Variants in AGBL1 observed in about 807,000 individuals in gnomAD.
AGBL1 encodes the protein cytosolic carboxypeptidase 4.
In AGBL1, 130 loss-of-function variants were observed where a neutral mutation model predicts 118.9. The ratio of observed to expected loss-of-function variants is 1.09; its 90% confidence interval spans 0.95 to 1.26. The LOEUF is 1.26. AGBL1 is among the 50% of genes most tolerant of loss of function. AGBL1 has a pLI of 0.00. For missense variants in AGBL1, 1,584 were observed against 1,298.1 expected (o/e 1.22, Z -3.38); for synonymous variants, 555 against 478.9 (o/e 1.16, Z -2.08).
chr15:87,009,153 G>A (rs1410558431), intron 24 of AGBL1, among the ~76,000 whole-genome samples: 1 of 152,096 alleles, frequency 6.6e-6, no homozygotes, highest in Non-Finnish European at 1.5e-5. Context: ...CCCATCACAG[G>A]TGCAGAGGTA....
chr15:86,661,288 C>T lies in AGBL1; in HGVS notation c.2995-12985C>T, dbSNP rs543312595. 1.4e-3 allele frequency among the ~76,000 whole-genome samples: 220 copies of T among 152,126 alleles called. 2 individuals are homozygous for T. The highest frequency in any genetic ancestry group is 4.9e-3 in the African/African-American group (205 of 41,492). The stretch of plus-strand genomic sequence containing the variant: ...TGGACTCTAAAATGACACCCTGTAC[C>T]AAACGCTGTGCTAGAGATGTAGAAA... On this transcript the variant is annotated intron_variant, in intron 21 of 22. Coordinates refer to ENST00000614907, the MANE Select transcript of AGBL1 (RefSeq NM_001386094.1).
intron 3 of AGBL1, among the ~76,000 whole-genome samples, chr15:86,148,121 G>A (rs1020801317): frequency 6.6e-6 from 1 of 152,198 alleles, no homozygotes; most frequent in African/African-American, 2.4e-5. Context: ...AACCTCATCT[G>A]TAGATCACCA....
chr15:86,817,506 GAGAA>G (rs1360735224), intron 22 of AGBL1, among the ~76,000 whole-genome samples: 1 of 145,934 alleles, frequency 6.9e-6, no homozygotes, highest in East Asian at 2.0e-4. Context: ...GAGAGAGAGA[GAGAA>G]AGAGACAGGC....
At chr15:86,461,766 C>T (rs946533976) in intron 18 of AGBL1, among the ~76,000 whole-genome samples, 1 of 152,100 alleles carries the variant, frequency 6.6e-6, no homozygotes, top group African/African-American at 2.4e-5. Flanking sequence ...ATCTTTTACT[C>T]TATGGTACCC....
At chr15:86,672,893 A>G (rs2085771675) in intron 21 of AGBL1, among the ~76,000 whole-genome samples, 2 of 152,178 alleles carry the variant, frequency 1.3e-5, no homozygotes, top group African/African-American at 4.8e-5. Flanking sequence ...AACAGCTGAA[A>G]TAAACTTGAG....
At chr15:86,262,403 A>T (rs990590424) in intron 9 of AGBL1, among the ~76,000 whole-genome samples, 2 of 152,080 alleles carry the variant, frequency 1.3e-5, no homozygotes, top group Non-Finnish European at 2.9e-5. Context: ...AAGACTGACA[A>T]ACCTAAATGT....
At chr15:86,259,939 G>T (rs753734425) in intron 9 of AGBL1, among the ~76,000 whole-genome samples, 2 of 152,214 alleles carry the variant, frequency 1.3e-5, no homozygotes, top group Non-Finnish European at 2.9e-5. Flanking sequence ...CTTGGCCCAC[G>T]CTTTGCAGAG....
intron 21 of AGBL1, among the ~76,000 whole-genome samples, chr15:86,647,001 GT>G (rs2085290142): frequency 6.6e-6 from 1 of 151,922 alleles, no homozygotes; most frequent in African/African-American, 2.4e-5. Context: ...TGAACACATT[GT>G]TTTGTTGTCT....
chr15:86,521,696 T>C (rs1225794865), intron 18 of AGBL1, among the ~76,000 whole-genome samples: 2 of 152,176 alleles, frequency 1.3e-5, no homozygotes, highest in Non-Finnish European at 2.9e-5. Flanking sequence ...TGATGTATTG[T>C]GTACTGGTTT....
intron 23 of AGBL1, among the ~76,000 whole-genome samples, chr15:86,950,714 TTAAA>T (rs1426750093): frequency 1.3e-5 from 2 of 151,808 alleles, no homozygotes; most frequent in Non-Finnish European, 1.5e-5. Context: ...ACAAAGAATG[TTAAA>T]TAAGAAGAAG....
At chr15:86,187,766 C>T (rs2077655999) in intron 5 of AGBL1, among the ~76,000 whole-genome samples, 1 of 152,222 alleles carries the variant, frequency 6.6e-6, no homozygotes, top group Non-Finnish European at 1.5e-5. Context: ...AACCAATGCA[C>T]TATCCCAAGG....
intron 1 of AGBL1, among the ~76,000 whole-genome samples, chr15:86,100,235 G>A (rs1896632084): frequency 6.6e-6 from 1 of 152,120 alleles, no homozygotes; most frequent in South Asian, 2.1e-4. Context: ...GATTTAGTAA[G>A]CTAGCATTTT....
chr15:86,846,277 G>T (rs1462860911), intron 22 of AGBL1, among the ~76,000 whole-genome samples: 1 of 152,200 alleles, frequency 6.6e-6, no homozygotes. Flanking sequence ...TTCCTGGATA[G>T]TTGACAGTTT....
At chr15:86,922,274 A>G (rs1191784555) in intron 23 of AGBL1, among the ~76,000 whole-genome samples, 1 of 152,228 alleles carries the variant, frequency 6.6e-6, no homozygotes, top group Non-Finnish European at 1.5e-5. Flanking sequence ...AGGCATAACA[A>G]AAATCAAAAT....
At chr15:86,409,119 T>C (rs1365041479) in intron 18 of AGBL1, among the ~76,000 whole-genome samples, 2 of 152,200 alleles carry the variant, frequency 1.3e-5, no homozygotes, top group South Asian at 2.1e-4. Flanking sequence ...TCCCAAATCA[T>C]GGTCTGTAGA....
At chr15:86,758,260 T>A (rs2077970545) in intron 22 of AGBL1, among the ~76,000 whole-genome samples, 1 of 152,072 alleles carries the variant, frequency 6.6e-6, no homozygotes, top group South Asian at 2.1e-4. Flanking sequence ...TCCAAGCTCC[T>A]TCCTTCTACA....
At chr15:86,426,636 C>T (rs2081869829) in intron 18 of AGBL1, among the ~76,000 whole-genome samples, 1 of 152,236 alleles carries the variant, frequency 6.6e-6, no homozygotes, top group Admixed American at 6.5e-5. Flanking sequence ...AGCCTTAAGG[C>T]TGTTCTGCTG....
At chr15:86,957,689 A>G (rs910957405) in intron 23 of AGBL1, among the ~76,000 whole-genome samples, 7 of 152,148 alleles carry the variant, frequency 4.6e-5, no homozygotes, top group African/African-American at 7.2e-5. Flanking sequence ...ATTTAATTAA[A>G]GAAGCTTTTC....
At chr15:86,520,497 T>A (rs2142196458) in intron 18 of AGBL1, among the ~76,000 whole-genome samples, 1 of 152,238 alleles carries the variant, frequency 6.6e-6, no homozygotes, top group East Asian at 1.9e-4. Flanking sequence ...TCTTGGAAAT[T>A]GTGATCTAAA....
Sources: gnomAD v4.1 joint callset for allele counts (sites outside exome capture counted in the v4.1 genomes callset) on GRCh38, gnomAD v4.1.1 for gene constraint, MANE v1.5 for transcripts, NCBI Gene and HGNC (gene_info 2026-07-23, HGNC 2026-07-21) for gene names.